The following NDRG1 variants were observed in gnomAD, a reference collection of about 807,000 sequenced individuals.
NDRG1 encodes protein NDRG1.
NDRG1 carries 32 observed loss-of-function variants against 56.9 expected under a neutral mutation model. The observed-to-expected ratio is 0.56, with a 90% confidence interval of 0.42 to 0.76. The LOEUF (loss-of-function observed/expected upper bound fraction) is 0.76. NDRG1 is among the 30% of genes least tolerant of loss of function. The pLI is 0.00. For synonymous variants in NDRG1, 211 were observed against 204.1 expected (o/e 1.03, Z -0.29); for missense variants, 507 against 545.7 (o/e 0.93, Z 0.71).
rs574232225 is a variant in NDRG1, at chr8:133,264,203, G to A, written c.205+344C>T. Among the ~76,000 whole-genome samples, 50 of 152,286 alleles carry A rather than the reference G, an allele frequency of 3.3e-4. No individual in the cohort carries two copies. The East Asian group carries it at 7.5e-3, about 23-fold the overall frequency. Reference sequence around the variant, plus strand: ...GTGGGGTGACAGATAAAAGGTACAGGATTTTTTGGAAGGATGAAAATGTTC... The same window carrying A: ...GTGGGGTGACAGATAAAAGGTACAGAATTTTTTGGAAGGATGAAAATGTTC... On this transcript the variant is annotated intron_variant, in intron 4 of 15. Coordinates refer to ENST00000323851, the MANE Select transcript of NDRG1 (RefSeq NM_006096.4).
In NDRG1 at chr8:133,247,898, T is replaced by C; in HGVS notation, c.784A>G (p.Ser262Gly). The change falls in exon 12 of 16, where the codon AGC (serine) becomes GGC (glycine). Residue 262 changes from serine to glycine, a missense_variant. By Grantham distance (56) the Ser-to-Gly change is moderately conservative. Coordinates refer to ENST00000323851, the MANE Select transcript of NDRG1 (RefSeq NM_006096.4). ...QCPALLVVGD[S>G]SPAVDAVVEC... ...ACCACGGCATCCACTGCAGGCGAGC[T>C]GTCCCCAACCACCAACAGAGCAGGG... The C allele has an allele frequency of 6.2e-7, 1 of 1,613,804 alleles. No individual in the cohort carries two copies. The highest frequency in any genetic ancestry group is 8.5e-7 in the Non-Finnish European group (1 of 1,179,806).
chr8:133,254,678 G>T, intron 8 of NDRG1, 83 bp from the exon 9 acceptor site: 4 of 1,402,022 alleles, frequency 2.9e-6, no homozygotes, highest in Non-Finnish European at 4.0e-6. Context: ...TTCCCTGGGT[G>T]CAGGGTGGCA....
At chr8:133,263,101 G>A (rs999902845) in intron 4 of NDRG1, among the ~76,000 whole-genome samples, 59 of 152,342 alleles carry the variant, frequency 3.9e-4, no homozygotes, top group African/African-American at 1.4e-3. Flanking sequence ...CGAATGGGGA[G>A]AGACGCTGCC....
intron 2 of NDRG1, 58 bp from the exon 3 acceptor site, chr8:133,280,325 T>C (rs1719140529): frequency 1.3e-6 from 2 of 1,539,178 alleles, no homozygotes; most frequent in Non-Finnish European, 9.0e-7. Context: ...AGAGAAATAA[T>C]ATTGGGACAT....
chr8:133,239,562 A>G, intron 15 of NDRG1: 1 of 212,312 alleles, frequency 4.7e-6, no homozygotes, highest in Non-Finnish European at 9.7e-6. Context: ...TGCACATCAC[A>G]GGTGGGGAAA....
At chr8:133,276,779 G>GAT (rs1857477344) in intron 3 of NDRG1, among the ~76,000 whole-genome samples, 1 of 152,192 alleles carries the variant, frequency 6.6e-6, no homozygotes, top group African/African-American at 2.4e-5. Flanking sequence ...CCCAGTTTCT[G>GAT]ATATGTCCTT....
At chr8:133,293,562 G>C (rs1858552256) in intron 1 of NDRG1, among the ~76,000 whole-genome samples, 1 of 152,158 alleles carries the variant, frequency 6.6e-6, no homozygotes, top group South Asian at 2.1e-4. Flanking sequence ...AACCTCCAAG[G>C]CACTATAGCA....
At chr8:133,287,430 T>C (rs1403014145) in intron 1 of NDRG1, among the ~76,000 whole-genome samples, 1 of 152,190 alleles carries the variant, frequency 6.6e-6, no homozygotes, top group Non-Finnish European at 1.5e-5. Flanking sequence ...ACACCAGCTA[T>C]GGTGATGAGA....
intron 1 of NDRG1, chr8:133,284,873 C>T (rs1400261319): frequency 6.6e-6 from 3 of 456,080 alleles, no homozygotes; most frequent in Admixed American, 2.4e-5. Context: ...ACACACCCCA[C>T]GGTGCAGGAC....
At chr8:133,270,201 C>T (rs1409067734) in intron 3 of NDRG1, among the ~76,000 whole-genome samples, 1 of 152,168 alleles carries the variant, frequency 6.6e-6, no homozygotes, top group Non-Finnish European at 1.5e-5. Context: ...TGGCAAGTAG[C>T]AACCATGGCA....
intron 14 of NDRG1, among the ~76,000 whole-genome samples, chr8:133,242,718 G>GA (rs35447587): frequency 8.1e-5 from 9 of 111,012 alleles, no homozygotes; most frequent in South Asian, 6.1e-4. Flanking sequence ...AAGAAGGAAG[G>GA]AAAAAAGAAA....
At chr8:133,250,575 A>G in intron 9 of NDRG1, 32 bp from the exon 10 acceptor site, 2 of 1,576,160 alleles carry the variant, frequency 1.3e-6, no homozygotes, top group Non-Finnish European at 1.7e-6. Flanking sequence ...GATGGTCCTC[A>G]TCGCACTGTG....
chr8:133,256,530 G>A (rs936695073), intron 8 of NDRG1, among the ~76,000 whole-genome samples: 1 of 152,154 alleles, frequency 6.6e-6, no homozygotes, highest in Non-Finnish European at 1.5e-5. Flanking sequence ...CTGCCTCAGG[G>A]ACCTGTGTCC....
At chr8:133,291,597 C>G (rs2130810868) in intron 1 of NDRG1, among the ~76,000 whole-genome samples, 1 of 152,282 alleles carries the variant, frequency 6.6e-6, no homozygotes, top group South Asian at 2.1e-4. Context: ...GGTGGATTCA[C>G]TGGACCTTCA....
intron 3 of NDRG1, among the ~76,000 whole-genome samples, chr8:133,274,692 C>A (rs553849927): frequency 2.0e-5 from 3 of 152,294 alleles, no homozygotes; most frequent in African/African-American, 4.8e-5. Context: ...GATTTTTTGA[C>A]AAGCAGACGT....
At chr8:133,250,778 C>T (rs985216438) in intron 9 of NDRG1, among the ~76,000 whole-genome samples, 4 of 151,996 alleles carry the variant, frequency 2.6e-5, no homozygotes, top group Non-Finnish European at 5.9e-5. Flanking sequence ...GGAAAGGCCA[C>T]ACCCCACCCT....
At chr8:133,244,238 C>T (rs1478956382) in intron 14 of NDRG1, 117 bp downstream of exon 14, 3 of 1,317,344 alleles carry the variant, frequency 2.3e-6, no homozygotes, top group East Asian at 4.7e-5. Context: ...CAACAGTCCA[C>T]AAACTGTCAT....
At chr8:133,279,053 C>A (rs572935582) in intron 3 of NDRG1, among the ~76,000 whole-genome samples, 56 of 152,252 alleles carry the variant, frequency 3.7e-4, no homozygotes, top group African/African-American at 1.3e-3. Context: ...CCATGCCTGG[C>A]TAATTTTTGT....
chr8:133,282,796 G>A (rs1351357841), intron 2 of NDRG1, among the ~76,000 whole-genome samples: 1 of 152,212 alleles, frequency 6.6e-6, no homozygotes, highest in Non-Finnish European at 1.5e-5. Flanking sequence ...CAATGCCTAA[G>A]ATATTTACTA....
Sources: gnomAD v4.1 joint callset for allele counts (sites outside exome capture counted in the v4.1 genomes callset) on GRCh38, gnomAD v4.1.1 for gene constraint, MANE v1.5 for transcripts, NCBI Gene and HGNC (gene_info 2026-07-23, HGNC 2026-07-21) for gene names.